Variants in SLC35A3 observed in about 807,000 individuals in gnomAD.
The protein encoded by SLC35A3 is UDP-N-acetylglucosamine transporter.
In SLC35A3, 26 loss-of-function variants were observed where a neutral mutation model predicts 39.0. The ratio of observed to expected loss-of-function variants is 0.67; its 90% CI spans 0.49 to 0.92. SLC35A3 has a LOEUF of 0.92. Ranked by LOEUF, SLC35A3 falls within the 40% of genes least tolerant of loss-of-function variation. SLC35A3 has a pLI of 0.00. For missense variants in SLC35A3, 299 were observed against 371.6 expected, an observed-to-expected ratio of 0.80 and a Z score of 1.61; for synonymous variants, 135 against 133.1, an observed-to-expected ratio of 1.01 and a Z score of -0.10.
At chr1:99,992,443 A>G (rs1018958840) in intron 1 of SLC35A3, among the ~76,000 whole-genome samples, 17 of 151,894 alleles carry the variant, frequency 1.1e-4, no homozygotes, top group African/African-American at 3.9e-4. Context: ...TTTTTAACCT[A>G]TATATGTCTT....
chr1:100,008,998 T>C (rs926036977), intron 4 of SLC35A3: 4 of 152,342 alleles, frequency 2.6e-5, no homozygotes, highest in African/African-American at 7.2e-5. Context: ...TAAGTACAGA[T>C]GACTCCTGGG....
intron 3 of SLC35A3, among the ~76,000 whole-genome samples, chr1:100,004,694 T>A (rs1279664869): frequency 6.6e-6 from 1 of 152,014 alleles, no homozygotes; most frequent in Non-Finnish European, 1.5e-5. Flanking sequence ...TATTTACCTA[T>A]TTTTTAATTT....
In SLC35A3 at chr1:100,015,643, C is replaced by T. The variant is rs147059835; in HGVS notation, c.753+223C>T. 126 of 427,816 alleles carry T rather than the reference C, an allele frequency of 2.9e-4. 1 individual carries two copies. The highest frequency in any genetic ancestry group is 2.4e-3 in the African/African-American group (119 of 49,236). 26.5% of individuals were successfully genotyped at this position (427,816 alleles called of 1,614,324 possible). On this transcript the variant is annotated intron_variant, in intron 6 of 7. Transcript: ENST00000533028. ...ATGAACTTTGTGGTTTTAAATGTAA[C>T]ATAATGAAAATACAAGTTTAAGAAT...
intron 1 of SLC35A3, chr1:99,970,580 C>T (rs1248267926): frequency 6.5e-7 from 1 of 1,536,048 alleles, no homozygotes; most frequent in East Asian, 2.4e-5. Context: ...GGCACAGATG[C>T]ACCCGACCAG....
chr1:100,011,386 G>C lies in SLC35A3; in HGVS notation c.487G>C (p.Asp163His). 1.3e-6 allele frequency: 2 copies of C among 1,539,546 alleles called. No individual in the cohort carries two copies. The highest frequency in any genetic ancestry group is 1.4e-5 in the African/African-American group (1 of 72,430). Residue 163 changes from aspartate (D) to histidine (H), a missense_variant, in exon 5 of 8, where the codon GAT becomes CAT. Coordinates refer to ENST00000533028, the MANE Select transcript of SLC35A3 (RefSeq NM_012243.3). The stretch of plus-strand genomic sequence containing the variant: ...TTAGTGGCCCTCAGATTCTCAGCTT[G>C]ATTCTAAGGAACTTTCAGCTGGTTC... Reference protein sequence around the residue: ...FVQWPSDSQLDSKELSAGSQF... With the variant: ...FVQWPSDSQLHSKELSAGSQF...
chr1:99,993,344 A>AG (rs1328261101), intron 1 of SLC35A3, among the ~76,000 whole-genome samples, 193 bp from the exon 2 acceptor site: 12 of 152,066 alleles, frequency 7.9e-5, no homozygotes, highest in African/African-American at 2.4e-4. Flanking sequence ...TGTAATTAGC[A>AG]GAAAGAATAA....
At chr1:99,975,101 C>T (rs116462414) in intron 1 of SLC35A3, 7,327 of 152,136 alleles carry the variant, frequency 0.048, 202 homozygotes, top group African/African-American at 0.067. Flanking sequence ...TGCCACCATG[C>T]CTGGCTAATT....
At chr1:99,982,691 A>G (rs2101063281) in intron 1 of SLC35A3, among the ~76,000 whole-genome samples, 1 of 152,346 alleles carries the variant, frequency 6.6e-6, no homozygotes, top group Middle Eastern at 3.4e-3. Context: ...AAATAAGCTA[A>G]TATTTTTTGT....
chr1:100,021,336 C>T (rs1660524322), intron 7 of SLC35A3, among the ~76,000 whole-genome samples: 2 of 151,648 alleles, frequency 1.3e-5, no homozygotes, highest in South Asian at 4.2e-4. Context: ...TGCACTCCAG[C>T]CTGGGCGACA....
chr1:100,008,519 A>G (rs187196887), intron 4 of SLC35A3: 1 of 152,334 alleles, frequency 6.6e-6, no homozygotes, highest in East Asian at 1.9e-4. Context: ...GACCTTCTGA[A>G]ATGTACCTAC....
At chr1:99,976,349 C>T (rs749346814) in intron 1 of SLC35A3, among the ~76,000 whole-genome samples, 10 of 152,080 alleles carry the variant, frequency 6.6e-5, no homozygotes, top group Non-Finnish European at 1.0e-4. Context: ...GTTAAAAAAA[C>T]AAAACTATAC....
intron 1 of SLC35A3, among the ~76,000 whole-genome samples, chr1:99,972,182 T>G (rs935131148): frequency 6.6e-6 from 1 of 152,090 alleles, no homozygotes; most frequent in Non-Finnish European, 1.5e-5. Flanking sequence ...ATTACAGGCA[T>G]GAGCCACTAC....
chr1:99,988,306 T>A (rs1004595950), intron 1 of SLC35A3, among the ~76,000 whole-genome samples: 2 of 151,466 alleles, frequency 1.3e-5, no homozygotes, highest in Non-Finnish European at 3.0e-5. Flanking sequence ...TTTTGTTTAA[T>A]TTTTTTTTGC....
At chr1:100,011,272 A>G in intron 4 of SLC35A3, 93 bp from the exon 5 acceptor site, 1 of 531,298 alleles carries the variant, frequency 1.9e-6, no homozygotes, top group Non-Finnish European at 3.2e-6. Context: ...TATTGGTTGC[A>G]TTTTTAAGTT....
At chr1:100,015,260 A>G (rs887881404) in intron 5 of SLC35A3, 42 bp from the exon 6 acceptor site, 11 of 1,492,020 alleles carry the variant, frequency 7.4e-6, no homozygotes, top group Non-Finnish European at 9.8e-6. Context: ...ATCTCTTCAG[A>G]CAAACTAAAC....
intron 1 of SLC35A3, among the ~76,000 whole-genome samples, chr1:99,984,419 TATTTC>T (rs2101073320): frequency 6.6e-6 from 1 of 152,354 alleles, no homozygotes; most frequent in South Asian, 2.1e-4. Context: ...TGAATGTCAT[TATTTC>T]ATTTCTTTTT....
rs1205981875 is a variant in SLC35A3, at chr1:100,028,805, A to G, written c.*6329A>G. 1 of 152,254 alleles carries G rather than the reference A, an allele frequency of 6.6e-6. No individual in the cohort carries two copies. Among genetic ancestry groups the G allele is most frequent in the East Asian group, 1.9e-4 (1 of 5,208 alleles). 9.4% of individuals were successfully genotyped at this position (152,254 alleles called of 1,614,324 possible). On this transcript the variant is annotated 3_prime_UTR_variant, in exon 8 of 8. Transcript: ENST00000533028. ...TCATTGCAAATTCAGGGGTTTCCCA[A>G]GTTCACCCTCAGTTCTGGCTAGAAA...
rs1005980358 is a variant in SLC35A3 at position 100,024,784 on chromosome 1, A to G, written c.*2308A>G. 7.6e-6 allele frequency: 3 copies of G among 395,694 alleles called. No homozygotes were observed. Among genetic ancestry groups the G allele is most frequent in the Admixed American group, 8.8e-5 (2 of 22,612 alleles). The allele number at this position is 395,694 out of a possible 1,614,324, so 24.5% of individuals were successfully genotyped here. A position where few individuals can be genotyped will look rare whatever the true frequency, so the allele number is the denominator to read the frequency against. On this transcript the variant is annotated 3_prime_UTR_variant, in exon 8 of 8. Coordinates refer to ENST00000533028, the MANE Select transcript of SLC35A3 (RefSeq NM_012243.3). ...AGGCGTGAGCCACTGCGCCCGGCCT[A>G]TACTGTATATATTTTTAAAGACTGT...
chr1:99,983,063 A>G (rs890793902), intron 1 of SLC35A3, among the ~76,000 whole-genome samples: 4 of 152,210 alleles, frequency 2.6e-5, no homozygotes, highest in African/African-American at 9.6e-5. Context: ...TATAATAATT[A>G]TACAATAGTT....
Sources: gnomAD v4.1 joint callset for allele counts (sites outside exome capture counted in the v4.1 genomes callset) on GRCh38, gnomAD v4.1.1 for gene constraint, MANE v1.5 for transcripts, NCBI Gene and HGNC (gene_info 2026-07-23, HGNC 2026-07-21) for gene names.